DGLUCY: variants seen among roughly 807,000 people sequenced by gnomAD.
DGLUCY encodes the protein D-glutamate cyclase, also known as D-glutamate cyclase, mitochondrial.
In DGLUCY, 58 loss-of-function variants were observed where a neutral mutation model predicts 58.5. The observed-to-expected ratio is 0.99, with a 90% CI of 0.80 to 1.23. The LOEUF is 1.23. Among genes scored for constraint, DGLUCY ranks in the 50% most tolerant of loss-of-function variants. DGLUCY has a pLI of 0.00. For synonymous variants in DGLUCY, 325 were observed against 314.1 expected (o/e 1.03, Z -0.37); for missense variants, 779 against 784.7 (o/e 0.99, Z 0.09).
rs373749117 is a variant in DGLUCY at position 91,181,419 on chromosome 14, A to T, written c.934+30A>T. ...GAAACAACACATTTGCTCGGCATAG[A>T]CCCAGGTAAGAAACAACACATTTGC... On this transcript the variant is annotated intron_variant, in intron 8 of 13. Coordinates refer to ENST00000256324, the MANE Select transcript of DGLUCY (RefSeq NM_001102368.3). 3.0e-5 allele frequency: 48 copies of T among 1,594,092 alleles called. No homozygotes were observed. In the African/African-American group the frequency reaches 3.8e-4, roughly 12 times the overall value.
At chr14:91,219,669 C>A (rs1026727167) in intron 13 of DGLUCY, among the ~76,000 whole-genome samples, 6 of 152,232 alleles carry the variant, frequency 3.9e-5, no homozygotes, top group African/African-American at 1.2e-4. Flanking sequence ...CCTGGGCACA[C>A]CCTGCCCACT....
chr14:91,170,171 A>G lies in DGLUCY; in HGVS notation c.426A>G (p.Pro142=). Residue 142 remains proline, a synonymous_variant, in exon 5 of 14, where the codon CCA becomes CCG. Transcript: ENST00000256324. The stretch of plus-strand genomic sequence containing the variant: ...AAGCGGGGCTCCCCAGAAGAGACCC[A>G]GCAGGTCACAGCCAGGCGGGTGCAT... ...LEKAGLPRRD[P]AGHSQAGAYK... The G allele has an allele frequency of 1.2e-6, 2 of 1,613,810 alleles. No individual in the cohort carries two copies. Among genetic ancestry groups the G allele is most frequent in the Non-Finnish European group, 1.7e-6 (2 of 1,180,012 alleles).
chr14:91,073,879 G>A (rs2043963422), intron 1 of DGLUCY, among the ~76,000 whole-genome samples: 1 of 151,670 alleles, frequency 6.6e-6, no homozygotes, highest in South Asian at 2.1e-4. Flanking sequence ...AATGAAGTTA[G>A]CAAGGCCAAG....
At chr14:91,130,802 C>A (rs1032439110) in intron 1 of DGLUCY, among the ~76,000 whole-genome samples, 3 of 152,072 alleles carry the variant, frequency 2.0e-5, no homozygotes, top group Non-Finnish European at 4.4e-5. Context: ...ATAATCTTTT[C>A]ATAGTTATAA....
chr14:91,089,910 C>T lies in DGLUCY; in HGVS notation c.-82+29206C>T, dbSNP rs1383179198. On this transcript the variant is annotated intron_variant, in intron 1 of 4. Transcript: ENST00000521334. ...TTATAAAGAAAATAATGAAAAGGGA[C>T]GTTATTAGTAATTACTCTGGGACAA... is the stretch of plus-strand genomic sequence containing the variant. 5.9e-5 allele frequency among the ~76,000 whole-genome samples: 9 copies of T among 151,770 alleles called. No homozygotes were observed. In the South Asian group the frequency reaches 6.3e-4, roughly 11 times the overall value.
At chr14:91,216,779 A>C (rs1886589274) in intron 13 of DGLUCY, among the ~76,000 whole-genome samples, 1 of 152,228 alleles carries the variant, frequency 6.6e-6, no homozygotes, top group Non-Finnish European at 1.5e-5. Context: ...CTCCGACTGC[A>C]GACCCCATGC....
chr14:91,114,926 C>T (rs997670306), intron 1 of DGLUCY: 2 of 152,338 alleles, frequency 1.3e-5, no homozygotes, highest in African/African-American at 4.8e-5. Flanking sequence ...TCAACACCAA[C>T]ATGGCACAGG....
At chr14:91,195,846 A>AT (rs2050169586) in intron 9 of DGLUCY, among the ~76,000 whole-genome samples, 1 of 151,420 alleles carries the variant, frequency 6.6e-6, no homozygotes, top group African/African-American at 2.4e-5. Flanking sequence ...AATTTTTTGT[A>AT]TTTTTAGTGG....
intron 3 of DGLUCY, among the ~76,000 whole-genome samples, chr14:91,166,636 G>A (rs2048300432): frequency 6.6e-6 from 1 of 151,870 alleles, no homozygotes; most frequent in Non-Finnish European, 1.5e-5. Context: ...GTGCACTCCA[G>A]CCTGGGTGAC....
intron 1 of DGLUCY, among the ~76,000 whole-genome samples, chr14:91,142,327 A>T (rs564931793): frequency 2.0e-4 from 31 of 152,074 alleles, no homozygotes; most frequent in Non-Finnish European, 4.0e-4. Flanking sequence ...TTTGACAAGC[A>T]CTCCAGGGTC....
At chr14:91,214,012 GT>G (rs1886129880) in intron 12 of DGLUCY, among the ~76,000 whole-genome samples, 1 of 134,218 alleles carries the variant, frequency 7.5e-6, no homozygotes, top group East Asian at 2.2e-4. Flanking sequence ...GGGAGTTTTT[GT>G]TTGTTATTTT....
intron 1 of DGLUCY, among the ~76,000 whole-genome samples, chr14:91,061,489 G>T (rs1055263369): frequency 6.6e-6 from 1 of 152,200 alleles, no homozygotes; most frequent in Non-Finnish European, 1.5e-5. Flanking sequence ...CTATAAAGCA[G>T]AATTTGAAAT....
chr14:91,217,346 C>A lies in DGLUCY; in HGVS notation c.1716+1790C>A, dbSNP rs144803077. Among the ~76,000 whole-genome samples the A allele has an allele frequency of 9.5e-3, 1,436 of 150,774 alleles. 9 individuals carry two copies. The highest frequency in any genetic ancestry group is 0.011 in the Non-Finnish European group (752 of 67,176). ...AGATGGGAAAGCAAATCCAAGAGGC[C>A]GGAGGGTCCTGAGCACTGAGCCTGC... is the stretch of plus-strand genomic sequence containing the variant. On this transcript the variant is annotated intron_variant, in intron 13 of 13. Coordinates refer to ENST00000256324, the MANE Select transcript of DGLUCY (RefSeq NM_001102368.3).
chr14:91,060,664 C>T (rs766332368), exon 1 of DGLUCY: 9 of 440,256 alleles, frequency 2.0e-5, no homozygotes, highest in Non-Finnish European at 3.0e-5. Flanking sequence ...CCCCCTGCTC[C>T]ACCGCCGCCT....
intron 11 of DGLUCY, among the ~76,000 whole-genome samples, chr14:91,201,756 T>C (rs574191017): frequency 3.3e-5 from 5 of 152,126 alleles, no homozygotes; most frequent in Admixed American, 3.3e-4. Flanking sequence ...CAGTCGTTAA[T>C]AATATAATAA....
At chr14:91,152,940 G>A (rs561586530) in intron 1 of DGLUCY, among the ~76,000 whole-genome samples, 25 of 152,234 alleles carry the variant, frequency 1.6e-4, no homozygotes, top group East Asian at 5.8e-4. Context: ...GTTTCCTGTC[G>A]TTGTGGGCTG....
chr14:91,176,382 T>C lies in DGLUCY; in HGVS notation c.730+326T>C, dbSNP rs143645071. 4.8e-3 allele frequency among the ~76,000 whole-genome samples: 735 copies of C among 152,088 alleles called. 7 individuals carry two copies. Among genetic ancestry groups the C allele is most frequent in the African/African-American group, 0.017 (693 of 41,484 alleles). ...CTGGGATTACAGGCATGTGCCACCA[T>C]GCCCAGCTAATTTTTGTATTTTTAG... is the stretch of plus-strand genomic sequence containing the variant. On this transcript the variant is annotated intron_variant, in intron 7 of 13. Coordinates refer to ENST00000256324, the MANE Select transcript of DGLUCY (RefSeq NM_001102368.3).
At chr14:91,204,933 G>T in intron 12 of DGLUCY, 108 bp downstream of exon 12, 1 of 1,473,246 alleles carries the variant, frequency 6.8e-7, no homozygotes, top group Non-Finnish European at 9.3e-7. Flanking sequence ...AGTCCATAGG[G>T]CACCAGGGCA....
chr14:91,120,347 T>A (rs2045272530), intron 1 of DGLUCY, among the ~76,000 whole-genome samples: 1 of 152,188 alleles, frequency 6.6e-6, no homozygotes, highest in Non-Finnish European at 1.5e-5. Context: ...GTATTTATTT[T>A]CATGAATGGC....
Sources: gnomAD v4.1 joint callset for allele counts (sites outside exome capture counted in the v4.1 genomes callset) on GRCh38, gnomAD v4.1.1 for gene constraint, MANE v1.5 for transcripts, NCBI Gene and HGNC (gene_info 2026-07-23, HGNC 2026-07-21) for gene names.